DNAH2: variants seen among roughly 807,000 people sequenced by gnomAD.
DNAH2 encodes dynein axonemal heavy chain 2.
DNAH2 carries 323 observed loss-of-function variants against 523.5 expected under a neutral mutation model. That is an observed-to-expected ratio of 0.62 (90% CI 0.56 to 0.68). The LOEUF (loss-of-function observed/expected upper bound fraction) is 0.68, where lower values mean the gene tolerates loss of function less well. DNAH2 is among the 30% of genes least tolerant of loss of function. DNAH2 has a pLI of 0.00. For synonymous variants in DNAH2, 2,093 were observed against 2,177.4 expected (o/e 0.96, Z 1.08); for missense variants, 4,907 against 5,701.5 (o/e 0.86, Z 4.49).
intron 58 of DNAH2, among the ~76,000 whole-genome samples, chr17:7,803,496 C>A (rs1353347230): frequency 1.3e-5 from 2 of 151,610 alleles, no homozygotes; most frequent in Non-Finnish European, 2.9e-5. Context: ...CATGGTGAAA[C>A]CCTGTCTCTA....
At position 7,768,198 on chromosome 17, in the gene DNAH2, CAAAAAT is replaced by C; in HGVS notation, c.3874_3879del (p.Lys1292_Ile1293del). 6.2e-7 allele frequency: 1 copy of C among 1,614,114 alleles called. No individual in the cohort carries two copies. Among genetic ancestry groups the C allele is most frequent in the Non-Finnish European group, 8.5e-7 (1 of 1,180,002 alleles). On this transcript the variant is annotated inframe_deletion, in exon 24 of 86. Coordinates refer to ENST00000572933, the MANE Select transcript of DNAH2 (RefSeq NM_020877.5). ...TGGGAAATTATTGAAACCACTCGCT[CAAAAAT>C]AGAGCAGTTCAAGAGGACCATGCCT... is the stretch of plus-strand genomic sequence containing the variant.
At chr17:7,722,508 TTAC>T (rs1420884555) in intron 2 of DNAH2, among the ~76,000 whole-genome samples, 1 of 152,210 alleles carries the variant, frequency 6.6e-6, no homozygotes, top group Non-Finnish European at 1.5e-5. Flanking sequence ...TCCTATATCT[TTAC>T]TTGTAAGTTG....
intron 35 of DNAH2, among the ~76,000 whole-genome samples, 190 bp from the exon 36 acceptor site, chr17:7,779,053 C>A (rs987367479): frequency 1.3e-5 from 2 of 152,214 alleles, no homozygotes; most frequent in African/African-American, 4.8e-5. Flanking sequence ...AGCATCACCC[C>A]AGATTGGCCC....
Position 7,780,117 on chromosome 17 carries a change from A to G in DNAH2, c.5723-40A>G. 6.3e-7 allele frequency: 1 copy of G among 1,581,398 alleles called. No individual in the cohort carries two copies. Among genetic ancestry groups the G allele is most frequent in the African/African-American group, 1.4e-5 (1 of 73,310 alleles). On this transcript the variant is annotated intron_variant, in intron 36 of 85. Transcript: ENST00000572933. This position sits in a 1 kb window ranked among gnomAD's most constrained non-coding sequence, Gnocchi z 4.4. ...GGGTTTGGGGAAGCAAATCAAGATG[A>G]GGAAATATATGATTCTAAGCAAGTG...
intron 11 of DNAH2, among the ~76,000 whole-genome samples, chr17:7,741,544 G>A (rs1317285133): frequency 6.6e-6 from 1 of 151,774 alleles, no homozygotes; most frequent in Admixed American, 6.6e-5. Flanking sequence ...ATTTTTAGTA[G>A]AGATGGGGTT....
chr17:7,780,244 C>A lies in DNAH2; in HGVS notation c.5810C>A (p.Ala1937Glu). Residue 1937 changes from alanine to glutamate, a missense_variant, in exon 37 of 86, where the codon GCA (alanine) becomes GAA (glutamate). Physicochemically the swap from Ala to Glu is moderately radical, Grantham distance 107. This residue lies in a region of DNAH2 where 2,806 missense variants were observed against 3,190.8 expected (regional missense o/e 0.88). Transcript: ENST00000572933. This position sits in a 1 kb window ranked among gnomAD's most constrained non-coding sequence, Gnocchi z 4.4. ...AMVVPDSTLI[A>E]EIILFGEGFG... ...GTGGTGCCTGACTCCACCCTCATTG[C>A]AGAAATCATTCTCTTTGGAGAGGGC... 6.2e-7 allele frequency: 1 copy of A among 1,614,154 alleles called. No individual in the cohort carries two copies. The highest frequency in any genetic ancestry group is 8.5e-7 in the Non-Finnish European group (1 of 1,180,022).
At chr17:7,756,882 A>C (rs575997259) in intron 12 of DNAH2, among the ~76,000 whole-genome samples, 36 of 151,328 alleles carry the variant, frequency 2.4e-4, no homozygotes, top group African/African-American at 8.2e-4. Flanking sequence ...TGTTGGCCAG[A>C]CTGGTCTCAA....
chr17:7,800,881 A>AT, intron 56 of DNAH2, among the ~76,000 whole-genome samples: 1 of 144,846 alleles, frequency 6.9e-6, no homozygotes. Context: ...AAAAAAAAAA[A>AT]TTTTTTTTTG....
rs1380120788 is a variant in DNAH2 at position 7,763,857 on chromosome 17, A to G, written c.3005A>G (p.Gln1002Arg). Residue 1002 changes from glutamine to arginine, a missense_variant, in exon 19 of 86, where the codon CAG (glutamine) becomes CGG (arginine). By Grantham distance (43) the Gln-to-Arg change is conservative. This residue lies in a region of DNAH2 where 2,806 missense variants were observed against 3,190.8 expected (regional missense o/e 0.88). Transcript: ENST00000572933. ...TACACGGAAGTTGCTAATAACGTGCAGAAGGAGGAGACAGTCACCAACATC... is the reference window on the plus strand; with the variant it reads ...TACACGGAAGTTGCTAATAACGTGCGGAAGGAGGAGACAGTCACCAACATC... ...ARYTEVANNVQKEETVTNIQF... is the reference protein window; with the variant it reads ...ARYTEVANNVRKEETVTNIQF... 9 of 1,614,194 alleles carry G rather than the reference A, an allele frequency of 5.6e-6. No homozygotes were observed. Among genetic ancestry groups the G allele is most frequent in the Non-Finnish European group, 7.6e-6 (9 of 1,180,044 alleles).
Position 7,775,420 on chromosome 17 carries a change from T to C in DNAH2, c.4821+78T>C. Reference sequence around the variant, plus strand: ...GTTCACCTGGGTCGGGCGCAGTGGCTCACACTTGTAATCCCAGCACTTTGG... The same window carrying C: ...GTTCACCTGGGTCGGGCGCAGTGGCCCACACTTGTAATCCCAGCACTTTGG... On this transcript the variant is annotated intron_variant, in intron 30 of 85. Coordinates refer to ENST00000572933, the MANE Select transcript of DNAH2 (RefSeq NM_020877.5). 3 of 1,379,898 alleles carry C rather than the reference T, an allele frequency of 2.2e-6. No homozygotes were observed. The Admixed American group carries it at 6.0e-5, about 28-fold the overall frequency. The allele number at this position is 1,379,898 out of a possible 1,614,324, so 85.5% of individuals were successfully genotyped here. A position where few individuals can be genotyped will look rare whatever the true frequency, so the allele number is the denominator to read the frequency against.
At chr17:7,764,840 A>ATT (rs35687021) in intron 20 of DNAH2, among the ~76,000 whole-genome samples, 983 of 26,256 alleles carry the variant, frequency 0.037, 35 homozygotes, top group African/African-American at 0.14. Context: ...CAGCTTTTGG[A>ATT]TTTTTTTTTT....
intron 9 of DNAH2, 118 bp downstream of exon 9, chr17:7,740,056 G>A (rs2075263507): frequency 4.7e-6 from 4 of 852,526 alleles, no homozygotes; most frequent in East Asian, 1.2e-4. Flanking sequence ...TCGGGATCAG[G>A]GCGGTGGCCC....
At chr17:7,813,521 A>G (rs1016718017) in intron 63 of DNAH2, among the ~76,000 whole-genome samples, 2 of 152,268 alleles carry the variant, frequency 1.3e-5, no homozygotes, top group Non-Finnish European at 2.9e-5. Flanking sequence ...GCTACTAAAA[A>G]GAATGAGGCA....
intron 8 of DNAH2, among the ~76,000 whole-genome samples, chr17:7,738,578 C>T (rs1395665188): frequency 6.6e-6 from 1 of 152,158 alleles, no homozygotes; most frequent in Non-Finnish European, 1.5e-5. Context: ...ATCTGCTCGC[C>T]TTGGCCTCTC....
In DNAH2 at chr17:7,766,396, G is replaced by T; in HGVS notation, c.3590G>T (p.Arg1197Leu). 6.2e-7 allele frequency: 1 copy of T among 1,614,004 alleles called. No homozygotes were observed. ...GTGCGGGCCATGCTGATGGCCATGCGGGAAGAGGAAAATAGTCTCCGAGCC... is the reference window on the plus strand; with the variant it reads ...GTGCGGGCCATGCTGATGGCCATGCTGGAAGAGGAAAATAGTCTCCGAGCC... ...TQVRAMLMAM[R>L]EEENSLRANL... The change falls in exon 22 of 86, where the codon CGG becomes CTG. Residue 1197 changes from arginine to leucine, a missense_variant. Arg to Leu is a moderately radical substitution (Grantham distance 102, BLOSUM62 -2). Coordinates refer to ENST00000572933, the MANE Select transcript of DNAH2 (RefSeq NM_020877.5).
At position 7,786,803 on chromosome 17, in the gene DNAH2, A is replaced by G. The variant is rs1037475145; in HGVS notation, c.6467-94A>G. The stretch of plus-strand genomic sequence containing the variant: ...AGAAATGCCTGGGGAATGCTGAAGT[A>G]CAAGGGAGTGTAGGCTTGTGTCTCC... On this transcript the variant is annotated intron_variant, in intron 41 of 85. Coordinates refer to ENST00000572933, the MANE Select transcript of DNAH2 (RefSeq NM_020877.5). This position sits in a 1 kb window ranked among gnomAD's most constrained non-coding sequence, Gnocchi z 7.5. 6.2e-7 allele frequency: 1 copy of G among 1,604,132 alleles called. No homozygotes were observed. The highest frequency in any genetic ancestry group is 1.3e-5 in the African/African-American group (1 of 74,774).
chr17:7,766,626 C>G (rs902766716), intron 22 of DNAH2, 145 bp downstream of exon 22: 18 of 257,452 alleles, frequency 7.0e-5, no homozygotes, highest in African/African-American at 4.1e-4. Context: ...AAAATTCATA[C>G]AACAAAATTA....
rs533273339 is a variant in DNAH2, at chr17:7,740,286, G to A, written c.1377-134G>A. The A allele has an allele frequency of 3.1e-5, 42 of 1,341,632 alleles. No homozygotes were observed. In the South Asian group the frequency reaches 3.4e-4, roughly 11 times the overall value. The allele number at this position is 1,341,632 out of a possible 1,614,324, so 83.1% of individuals were successfully genotyped here. A position where few individuals can be genotyped will look rare whatever the true frequency, so the allele number is the denominator to read the frequency against. ...TGTTTTGAGGATTAAATGGATTCAT[G>A]TAGGTAAAGTACTTGGAGTGCCTGG... On this transcript the variant is annotated intron_variant, in intron 9 of 85. Coordinates refer to ENST00000572933, the MANE Select transcript of DNAH2 (RefSeq NM_020877.5).
Position 7,821,096 on chromosome 17 carries a change from A to T in DNAH2, c.11016-147A>T. On this transcript the variant is annotated intron_variant, in intron 72 of 85. Transcript: ENST00000572933. This position sits in a 1 kb window ranked among gnomAD's most constrained non-coding sequence, Gnocchi z 5.0. ...GGAAATTCTTGTGTCTAGGCCCCTG[A>T]GTCCTCAGCTGTTTCCAGGAGGTTA... The T allele has an allele frequency of 9.1e-7, 1 of 1,096,948 alleles. No homozygotes were observed. The highest frequency in any genetic ancestry group is 1.3e-6 in the Non-Finnish European group (1 of 794,018). The allele number at this position is 1,096,948 out of a possible 1,614,324, so 68.0% of individuals were successfully genotyped here.
Sources: gnomAD v4.1 joint callset for allele counts (sites outside exome capture counted in the v4.1 genomes callset) on GRCh38, gnomAD v4.1.1 for gene constraint, gnomAD v4.1.1 regional missense constraint, Gnocchi (gnomAD v3.1) non-coding constraint, MANE v1.5 for transcripts, NCBI Gene and HGNC (gene_info 2026-07-23, HGNC 2026-07-21) for gene names.